The following ANKRD11 variants were observed in gnomAD, a reference collection of about 807,000 sequenced individuals.
ANKRD11 encodes ankyrin repeat domain 11, also known as ankyrin repeat domain-containing protein 11.
In ANKRD11, 17 loss-of-function variants were observed where a neutral mutation model predicts 195.7. The ratio of observed to expected loss-of-function variants is 0.09; its 90% CI spans 0.06 to 0.13. The LOEUF is 0.13. Ranked by LOEUF, ANKRD11 falls within the 10% of genes least tolerant of loss-of-function variation. ANKRD11 has a pLI of 1.00. For synonymous variants in ANKRD11, 1,953 were observed against 1,528.1 expected, an observed-to-expected ratio of 1.28 and a Z score of -6.49; for missense variants, 3,735 against 3,566.1, an observed-to-expected ratio of 1.05 and a Z score of -1.21.
chr16:89,290,761 T>G lies in ANKRD11; in HGVS notation c.465A>C (p.Ser155=). The stretch of plus-strand genomic sequence containing the variant: ...TCTTGTTCACTTTATCTTTGGTTTT[T>G]GAGGCAGAGTTGGGCGTTCCCTTCT... The part of the protein sequence containing the change: ...VCQKGTPNSA[S]KTKDKVNKRN... The change falls in exon 6 of 13, where the codon TCA becomes TCC. Residue 155 remains serine, a synonymous_variant. Transcript: ENST00000301030. 4 of 1,614,178 alleles carry G rather than the reference T, an allele frequency of 2.5e-6. No homozygotes were observed. The highest frequency in any genetic ancestry group is 3.4e-6 in the Non-Finnish European group (4 of 1,180,024).
intron 3 of ANKRD11, among the ~76,000 whole-genome samples, chr16:89,313,836 C>G (rs956907431): frequency 9.2e-5 from 14 of 152,202 alleles, no homozygotes; most frequent in African/African-American, 3.4e-4. Flanking sequence ...TAAGAAAGCT[C>G]CACCAGGCCT....
At chr16:89,278,944 G>A (rs1238629421) in intron 9 of ANKRD11, 128 bp downstream of exon 9, 4 of 1,427,060 alleles carry the variant, frequency 2.8e-6, no homozygotes, top group Admixed American at 2.0e-5. Context: ...TGTCTCCTCA[G>A]GTGGCAGAAG....
chr16:89,336,851 C>T (rs1034664689), intron 2 of ANKRD11, among the ~76,000 whole-genome samples: 2 of 151,822 alleles, frequency 1.3e-5, no homozygotes, highest in East Asian at 1.9e-4. Context: ...GCAGGCCGGG[C>T]GCGGTGGCTC....
At chr16:89,460,613 T>G (rs1302223293) in intron 1 of ANKRD11, among the ~76,000 whole-genome samples, 2 of 152,106 alleles carry the variant, frequency 1.3e-5, no homozygotes, top group African/African-American at 4.8e-5. Context: ...AGCTCACGCA[T>G]GTAATCTCAG....
chr16:89,308,636 G>C (rs1460518165), intron 3 of ANKRD11, among the ~76,000 whole-genome samples: 1 of 152,250 alleles, frequency 6.6e-6, no homozygotes, highest in African/African-American at 2.4e-5. Context: ...GGCTTTGAGG[G>C]AGAGCTGCAG....
Position 89,282,109 on chromosome 16 carries a change from T to C in ANKRD11, c.4433A>G (p.Asp1478Gly). 6.2e-7 allele frequency: 1 copy of C among 1,613,964 alleles called. No homozygotes were observed. Among genetic ancestry groups the C allele is most frequent in the Non-Finnish European group, 8.5e-7 (1 of 1,179,934 alleles). ...CCGCAGCAGCCCATCCGCATGCCTG[T>C]CCCGGTGCCTCTCCTTCTCGTCTCT... ...KWRDEKERHR[D>G]RHADGLLRHH... The change falls in exon 9 of 13, where the codon GAC becomes GGC. Residue 1478 changes from aspartate to glycine, a missense_variant. By Grantham distance (94) the Asp-to-Gly change is moderately conservative. Coordinates refer to ENST00000301030, the MANE Select transcript of ANKRD11 (RefSeq NM_013275.6).
chr16:89,390,859 TC>T (rs1366352119), intron 2 of ANKRD11, among the ~76,000 whole-genome samples: 1 of 152,182 alleles, frequency 6.6e-6, no homozygotes, highest in African/African-American at 2.4e-5. Flanking sequence ...ACTGTGCATA[TC>T]CTTTGCAAAA....
In ANKRD11 at chr16:89,346,015, G is replaced by A. The variant is rs2038920243; in HGVS notation, c.-59-28937C>T. Among the ~76,000 whole-genome samples, 4 of 152,172 alleles carry A rather than the reference G, an allele frequency of 2.6e-5. No individual in the cohort carries two copies. In the South Asian group the frequency reaches 8.3e-4, roughly 32 times the overall value. ...CCAGCACTTTGGGAGGCCAAAGCAG[G>A]CGGATCACTTGAGGTCAAGAGTTTG... is the stretch of plus-strand genomic sequence containing the variant. On this transcript the variant is annotated intron_variant, in intron 2 of 12. Transcript: ENST00000301030.
intron 2 of ANKRD11, among the ~76,000 whole-genome samples, chr16:89,344,602 C>T (rs3096296): frequency 6.6e-6 from 1 of 152,040 alleles, no homozygotes; most frequent in Non-Finnish European, 1.5e-5. Context: ...ACAATGCAAG[C>T]GTCCGGGAGG....
At chr16:89,424,242 G>T (rs2042627895) in intron 1 of ANKRD11, among the ~76,000 whole-genome samples, 1 of 152,112 alleles carries the variant, frequency 6.6e-6, no homozygotes. Flanking sequence ...GGGAGTTCGA[G>T]ACCAGCGTGG....
At chr16:89,419,632 G>C (rs1352434966) in intron 1 of ANKRD11, among the ~76,000 whole-genome samples, 2 of 152,164 alleles carry the variant, frequency 1.3e-5, no homozygotes, top group African/African-American at 4.8e-5. Flanking sequence ...TGCAGAACCA[G>C]GGAAGGAAGC....
At chr16:89,373,725 C>T (rs960874060) in intron 2 of ANKRD11, among the ~76,000 whole-genome samples, 2 of 152,220 alleles carry the variant, frequency 1.3e-5, no homozygotes, top group South Asian at 2.1e-4. Context: ...CAACCCCACG[C>T]GGGAGGCATG....
intron 2 of ANKRD11, among the ~76,000 whole-genome samples, chr16:89,385,376 G>A (rs758419923): frequency 8.0e-5 from 12 of 149,468 alleles, no homozygotes; most frequent in East Asian, 8.0e-4. Flanking sequence ...TGATCCACCC[G>A]CTTCAGCCTC....
chr16:89,309,633 C>T (rs946818351), intron 3 of ANKRD11, among the ~76,000 whole-genome samples: 1 of 152,246 alleles, frequency 6.6e-6, no homozygotes, highest in Non-Finnish European at 1.5e-5. Context: ...GAGCGTGGCA[C>T]AGCCACCAGG....
intron 1 of ANKRD11, among the ~76,000 whole-genome samples, chr16:89,487,732 C>G (rs941118191): frequency 6.6e-6 from 1 of 152,006 alleles, no homozygotes; most frequent in African/African-American, 2.4e-5. Flanking sequence ...CAAGATTGCG[C>G]CACTGCACTC....
intron 2 of ANKRD11, chr16:89,324,721 G>GATCCGGC: frequency 6.3e-6 from 2 of 318,052 alleles, no homozygotes; most frequent in Non-Finnish European, 1.2e-5. Flanking sequence ...TTGGGTTCTT[G>GATCCGGC]GACCTACACC....
intron 2 of ANKRD11, among the ~76,000 whole-genome samples, chr16:89,394,489 G>A (rs1005361837): frequency 3.1e-4 from 47 of 152,100 alleles, no homozygotes; most frequent in African/African-American, 8.9e-4. Flanking sequence ...TTAGCTGTGC[G>A]TGGTGGCAGG....
chr16:89,485,707 A>T (rs1406444312), intron 1 of ANKRD11, among the ~76,000 whole-genome samples: 1 of 152,200 alleles, frequency 6.6e-6, no homozygotes, highest in Non-Finnish European at 1.5e-5. Context: ...GAAACTTTGA[A>T]AACCTAAACA....
intron 2 of ANKRD11, among the ~76,000 whole-genome samples, chr16:89,415,359 G>C (rs1158693711): frequency 6.8e-6 from 1 of 147,256 alleles, no homozygotes; most frequent in Non-Finnish European, 1.5e-5. Flanking sequence ...CCGCCTCCCA[G>C]GTTCACGCCA....
Sources: allele counts gnomAD v4.1 joint callset (sites outside exome capture counted in the v4.1 genomes callset), GRCh38; gene constraint gnomAD v4.1.1; transcripts MANE v1.5; gene names NCBI Gene and HGNC (gene_info 2026-07-23, HGNC 2026-07-21).